The following SYTL5 variants were observed in gnomAD, a reference collection of about 807,000 sequenced individuals.
SYTL5 encodes synaptotagmin-like protein 5.
Under a neutral mutation model 55.9 loss-of-function variants are expected in SYTL5, and 34 were observed. The observed-to-expected ratio is 0.61, with a 90% CI of 0.46 to 0.81. The LOEUF (loss-of-function observed/expected upper bound fraction) is 0.81. Ranked by LOEUF, SYTL5 falls within the 30% of genes least tolerant of loss-of-function variation. The pLI is 0.00. For missense variants in SYTL5, 637 were observed against 546.7 expected, an observed-to-expected ratio of 1.17 and a Z score of -1.65; for synonymous variants, 221 against 188.7, an observed-to-expected ratio of 1.17 and a Z score of -1.40.
the SYTL5 span, among the ~76,000 whole-genome samples, chrX:37,922,858 C>T: frequency 9.0e-6 from 1 of 111,502 alleles, no homozygotes; most frequent in Admixed American, 9.6e-5. Context: ...ACATACATAA[C>T]AGCTTTTCTT....
intron 15 of SYTL5, among the ~76,000 whole-genome samples, chrX:38,122,647 C>T (rs1405815330): frequency 8.9e-6 from 1 of 112,072 alleles, no homozygotes; most frequent in East Asian, 2.8e-4. Context: ...TCAGAGCATC[C>T]TTGCTGGACT....
intron 6 of SYTL5, among the ~76,000 whole-genome samples, chrX:38,078,122 A>C (rs371113888): frequency 1.8e-5 from 2 of 112,306 alleles, no homozygotes; most frequent in East Asian, 5.5e-4. Flanking sequence ...ATTTAGAGAC[A>C]GTAAGCAACT....
the SYTL5 span, among the ~76,000 whole-genome samples, chrX:37,940,645 A>T: frequency 1.9e-5 from 2 of 106,398 alleles, no homozygotes; most frequent in African/African-American, 6.8e-5. Context: ...TTGTGCAAGG[A>T]TGTTATCTTT....
chrX:37,940,795 T>C, the SYTL5 span, among the ~76,000 whole-genome samples: 3 of 110,717 alleles, frequency 2.7e-5, no homozygotes, highest in East Asian at 5.6e-4. Flanking sequence ...TTATCTGATA[T>C]GCTGCAATGG....
chrX:37,948,464 C>T, the SYTL5 span, among the ~76,000 whole-genome samples: 1 of 108,966 alleles, frequency 9.2e-6, no homozygotes, highest in Non-Finnish European at 1.9e-5. Context: ...ATAATTTTTG[C>T]TTAAATTATT....
chrX:37,975,692 T>C, the SYTL5 span, among the ~76,000 whole-genome samples: 17,054 of 111,110 alleles, frequency 0.15, 2,408 homozygotes, highest in African/African-American at 0.44. Flanking sequence ...TCTTAGCAAT[T>C]GTATAAACCT....
chrX:38,072,358 C>A (rs748567303), intron 4 of SYTL5, among the ~76,000 whole-genome samples, 196 bp downstream of exon 4: 6 of 112,030 alleles, frequency 5.4e-5, no homozygotes, highest in Non-Finnish European at 9.4e-5. Flanking sequence ...ACAAAATTCA[C>A]AATGATTTTC....
chrX:38,108,316 T>C (rs2147624921), intron 11 of SYTL5, among the ~76,000 whole-genome samples: 1 of 111,920 alleles, frequency 8.9e-6, no homozygotes, highest in African/African-American at 3.2e-5. Flanking sequence ...AGTGGTTATT[T>C]AGTAAATTCT....
the SYTL5 span, among the ~76,000 whole-genome samples, chrX:37,965,454 C>T: frequency 4.5e-5 from 5 of 111,429 alleles, no homozygotes; most frequent in Non-Finnish European, 9.4e-5. Context: ...AGTTTCATTC[C>T]ATTATGGTTA....
chrX:38,059,274 T>C lies in SYTL5; in HGVS notation c.329+4852T>C, dbSNP rs769700689. On this transcript the variant is annotated intron_variant, in intron 3 of 16. Coordinates refer to ENST00000297875, the MANE Select transcript of SYTL5 (RefSeq NM_138780.3). ...TGAGTCCCCTACGGGACTACTTCTA[T>C]TGTTTATTGTTTCTTGTGGTTTTGG... Among the ~76,000 whole-genome samples, 6 of 112,044 alleles carry C rather than the reference T, an allele frequency of 5.4e-5. No individual in the cohort carries two copies. In the South Asian group the frequency reaches 2.2e-3, roughly 41 times the overall value.
chrX:38,125,489 G>A lies in SYTL5; in HGVS notation c.2033G>A (p.Arg678His), dbSNP rs750873467. The change falls in exon 16 of 17, where the codon CGT (arginine) becomes CAT (histidine). Residue 678 changes from arginine (R) to histidine (H), a missense_variant. Physicochemically the swap from Arg to His is conservative, Grantham distance 29. Coordinates refer to ENST00000297875, the MANE Select transcript of SYTL5 (RefSeq NM_138780.3). ...FSSNIFLGGV[R>H]LNSGSGVSHG... ...AGCAACATCTTTCTGGGAGGAGTTCGTTTGAATTCTGGAAGTGGTGAGGGA... is the reference window on the plus strand; with the variant it reads ...AGCAACATCTTTCTGGGAGGAGTTCATTTGAATTCTGGAAGTGGTGAGGGA... The A allele has an allele frequency of 5.0e-6, 6 of 1,210,797 alleles. No homozygotes were observed. Among genetic ancestry groups the A allele is most frequent in the South Asian group, 3.5e-5 (2 of 56,922 alleles).
chrX:38,025,045 A>G (rs901259839), intron 1 of SYTL5, among the ~76,000 whole-genome samples: 1 of 111,923 alleles, frequency 8.9e-6, no homozygotes, highest in Non-Finnish European at 1.9e-5. Context: ...ACCTTTTGAC[A>G]GTCTTGTGGA....
chrX:38,049,391 G>A (rs765300271), intron 2 of SYTL5, among the ~76,000 whole-genome samples: 1 of 111,794 alleles, frequency 8.9e-6, no homozygotes, highest in East Asian at 2.8e-4. Flanking sequence ...ACATATTCCT[G>A]TCTAACGTAA....
chrX:38,033,190 T>C (rs1602323673), intron 1 of SYTL5, among the ~76,000 whole-genome samples: 1 of 111,367 alleles, frequency 9.0e-6, no homozygotes, highest in South Asian at 3.8e-4. Context: ...CCCTGATCTG[T>C]TATGGGCAGT....
Position 38,110,354 on chromosome X carries a change from A to T in SYTL5, c.1468A>T (p.Thr490Ser), listed in dbSNP as rs1169382673. 7.5e-6 allele frequency: 9 copies of T among 1,205,853 alleles called. No homozygotes were observed. The highest frequency in any genetic ancestry group is 2.3e-4 in the Middle Eastern group (1 of 4,337). The change falls in exon 13 of 17, where the codon ACT (threonine) becomes TCT (serine). Residue 490 changes from threonine to serine, a missense_variant. Thr to Ser is a moderately conservative substitution (Grantham distance 58, BLOSUM62 1). Coordinates refer to ENST00000297875, the MANE Select transcript of SYTL5 (RefSeq NM_138780.3). Reference sequence around the variant, plus strand: ...CAGCCATACCCAGCTGGAAACAAGAACTCTGCAGCTCTCAGTCTGGCACTA... The same window carrying T: ...CAGCCATACCCAGCTGGAAACAAGATCTCTGCAGCTCTCAGTCTGGCACTA... The part of the protein sequence containing the change: ...TISHTQLETR[T>S]LQLSVWHYDR...
At chrX:38,030,556 T>G (rs1403201958) in intron 1 of SYTL5, among the ~76,000 whole-genome samples, 1 of 112,305 alleles carries the variant, frequency 8.9e-6, no homozygotes, top group African/African-American at 3.2e-5. Flanking sequence ...TTCTGAACTT[T>G]ACCAAAGGTA....
chrX:37,988,622 T>C, the SYTL5 span, among the ~76,000 whole-genome samples: 7 of 112,485 alleles, frequency 6.2e-5, no homozygotes, highest in African/African-American at 2.3e-4. Context: ...ATGTTCAAAG[T>C]GTTCCTGGTG....
chrX:37,964,959 T>G, the SYTL5 span, among the ~76,000 whole-genome samples: 4 of 111,216 alleles, frequency 3.6e-5, no homozygotes, highest in African/African-American at 1.3e-4. Context: ...ATTTTATTTA[T>G]TTCAGTCTTC....
the SYTL5 span, among the ~76,000 whole-genome samples, chrX:37,926,171 T>C: frequency 8.9e-6 from 1 of 111,900 alleles, no homozygotes; most frequent in Non-Finnish European, 1.9e-5. Flanking sequence ...TTACTTTTAG[T>C]GCTTAGAGGA....
Sources: gnomAD v4.1 joint callset for allele counts (sites outside exome capture counted in the v4.1 genomes callset) on GRCh38, gnomAD v4.1.1 for gene constraint, MANE v1.5 for transcripts, NCBI Gene and HGNC (gene_info 2026-07-23, HGNC 2026-07-21) for gene names.